FAM168A: variants seen among roughly 807,000 people sequenced by gnomAD.
FAM168A encodes family with sequence similarity 168 member A.
Under a neutral mutation model 28.5 loss-of-function variants are expected in FAM168A, and 3 were observed. The ratio of observed to expected loss-of-function variants is 0.11; its 90% confidence interval spans 0.05 to 0.27. FAM168A has a LOEUF of 0.27. FAM168A is among the 10% of genes least tolerant of loss of function. FAM168A has a pLI of 1.00. For missense variants in FAM168A, 222 were observed against 311.5 expected (o/e 0.71, Z 2.16); for synonymous variants, 122 against 124.2 (o/e 0.98, Z 0.12).
intron 1 of FAM168A, among the ~76,000 whole-genome samples, chr11:73,583,423 T>C (rs1052353629): frequency 6.6e-6 from 1 of 152,188 alleles, no homozygotes; most frequent in African/African-American, 2.4e-5. Context: ...TGACATGTCT[T>C]TACTGATGCT....
chr11:73,581,847 T>A (rs2134735805), intron 1 of FAM168A, among the ~76,000 whole-genome samples: 1 of 152,134 alleles, frequency 6.6e-6, no homozygotes, highest in South Asian at 2.1e-4. Flanking sequence ...GCCTCCTGAG[T>A]AGCTGGGACT....
At chr11:73,501,873 G>T (rs993722753) in intron 1 of FAM168A, among the ~76,000 whole-genome samples, 1 of 152,018 alleles carries the variant, frequency 6.6e-6, no homozygotes, top group East Asian at 1.9e-4. Flanking sequence ...AGGCCAAGGC[G>T]GGCAGATCAC....
intron 2 of FAM168A, among the ~76,000 whole-genome samples, chr11:73,445,419 CTTTTTTTTTTTTTT>C (rs56294455): frequency 0.033 from 1,647 of 50,570 alleles, 69 homozygotes; most frequent in African/African-American, 0.1. Flanking sequence ...AAAAATGTCT[CTTTTTTTTTTTTTT>C]TTTTTTTTTT....
chr11:73,477,932 GAT>G (rs1867912068), intron 1 of FAM168A, among the ~76,000 whole-genome samples: 1 of 124,024 alleles, frequency 8.1e-6, no homozygotes, highest in Non-Finnish European at 1.7e-5. Flanking sequence ...TAGATAGATA[GAT>G]AGATAGATAG....
At chr11:73,485,723 CA>C in intron 1 of FAM168A, among the ~76,000 whole-genome samples, 1 of 152,264 alleles carries the variant, frequency 6.6e-6, no homozygotes, top group South Asian at 2.1e-4. Flanking sequence ...AGAATGTAAT[CA>C]ATCAACCTGA....
intron 3 of FAM168A, among the ~76,000 whole-genome samples, chr11:73,428,705 TTTA>T (rs1866931974): frequency 6.6e-6 from 1 of 152,202 alleles, no homozygotes; most frequent in Non-Finnish European, 1.5e-5. Flanking sequence ...TTCTGTAGCT[TTTA>T]TTGTTTTTGC....
intron 1 of FAM168A, among the ~76,000 whole-genome samples, chr11:73,497,445 AC>A (rs1235675654): frequency 5.5e-5 from 8 of 146,494 alleles, no homozygotes; most frequent in Non-Finnish European, 1.1e-4. Context: ...GTGACTCCAT[AC>A]CCCCCCTCAA....
At chr11:73,429,078 G>A (rs945631688) in intron 3 of FAM168A, among the ~76,000 whole-genome samples, 8 of 152,128 alleles carry the variant, frequency 5.3e-5, no homozygotes, top group Non-Finnish European at 7.4e-5. Flanking sequence ...CTTAGAGATG[G>A]GGGAAATGAG....
intron 1 of FAM168A, among the ~76,000 whole-genome samples, chr11:73,555,531 C>G (rs1201365129): frequency 6.6e-6 from 1 of 151,802 alleles, no homozygotes; most frequent in Non-Finnish European, 1.5e-5. Flanking sequence ...ATGGCGAAAC[C>G]CCATCTCTAC....
chr11:73,413,409 G>C (rs1034218170), intron 4 of FAM168A, among the ~76,000 whole-genome samples: 8 of 152,238 alleles, frequency 5.3e-5, no homozygotes, highest in African/African-American at 1.9e-4. Context: ...TATGAGCTGA[G>C]TGAGAAGTCT....
At position 73,406,321 on chromosome 11, in the gene FAM168A, A is replaced by G. The variant is rs1866505636; in HGVS notation, c.*442T>C. 6.6e-6 allele frequency: 1 copy of G among 152,224 alleles called. No individual in the cohort carries two copies. Among genetic ancestry groups the G allele is most frequent in the Non-Finnish European group, 1.5e-5 (1 of 68,064 alleles). The allele number at this position is 152,224 out of a possible 1,614,324, so 9.4% of individuals were successfully genotyped here. On this transcript the variant is annotated 3_prime_UTR_variant, in exon 8 of 8. Coordinates refer to ENST00000356467, the MANE Select transcript of FAM168A (RefSeq NM_015159.3). ...AAAAACAACCAGAACACTCCCCTAG[A>G]GATGTAGCCTGCTCAACAGCTCTGA...
intron 1 of FAM168A, among the ~76,000 whole-genome samples, chr11:73,493,623 G>A (rs557356231): frequency 6.6e-6 from 1 of 152,210 alleles, no homozygotes; most frequent in African/African-American, 2.4e-5. Flanking sequence ...TCACCATGTT[G>A]CCCAGGCGGT....
intron 1 of FAM168A, among the ~76,000 whole-genome samples, chr11:73,557,091 C>A (rs1324893376): frequency 6.6e-6 from 1 of 151,650 alleles, no homozygotes; most frequent in Non-Finnish European, 1.5e-5. Flanking sequence ...GGAAGCAACT[C>A]AAGTGTCTGT....
rs568125580 is a variant in FAM168A at position 73,477,328 on chromosome 11, G to A, written c.-18-8836C>T. Among the ~76,000 whole-genome samples the A allele has an allele frequency of 5.9e-4, 90 of 151,842 alleles. 1 individual carries two copies. The Middle Eastern group carries it at 0.02, about 34-fold the overall frequency. On this transcript the variant is annotated intron_variant, in intron 1 of 7. Transcript: ENST00000356467. ...TCCCAGTGACACGCAATTTACCCAC[G>A]TAACAAATCTGCATATGTTACCCCT...
intron 1 of FAM168A, among the ~76,000 whole-genome samples, chr11:73,476,035 T>C (rs978602076): frequency 6.6e-6 from 1 of 152,144 alleles, no homozygotes; most frequent in African/African-American, 2.4e-5. Context: ...ACAACAACCA[T>C]AGTGGGTCTT....
chr11:73,485,044 T>A (rs1281677122), intron 1 of FAM168A, among the ~76,000 whole-genome samples: 1 of 152,136 alleles, frequency 6.6e-6, no homozygotes, highest in Non-Finnish European at 1.5e-5. Flanking sequence ...AATATTAATC[T>A]CCTTTGGCAA....
chr11:73,493,267 G>A (rs1241465071), intron 1 of FAM168A, among the ~76,000 whole-genome samples: 2 of 152,072 alleles, frequency 1.3e-5, no homozygotes, highest in East Asian at 3.9e-4. Context: ...AATAATAAAA[G>A]AAAGGCAAGA....
intron 2 of FAM168A, among the ~76,000 whole-genome samples, chr11:73,466,966 CAT>C (rs1476447090): frequency 6.6e-6 from 1 of 151,128 alleles, no homozygotes; most frequent in Non-Finnish European, 1.5e-5. Context: ...TTGGAGGAGT[CAT>C]AGTGTCAGTT....
intron 2 of FAM168A, among the ~76,000 whole-genome samples, chr11:73,449,259 C>A (rs1433032860): frequency 6.6e-6 from 1 of 152,156 alleles, no homozygotes; most frequent in East Asian, 1.9e-4. Context: ...CATGAGGCAC[C>A]GCACCTGGCC....
Sources: allele counts gnomAD v4.1 joint callset (sites outside exome capture counted in the v4.1 genomes callset), GRCh38; gene constraint gnomAD v4.1.1; transcripts MANE v1.5; gene names NCBI Gene and HGNC (gene_info 2026-07-23, HGNC 2026-07-21).